Variants in NOTCH3 observed in about 807,000 individuals in gnomAD.
NOTCH3 encodes notch receptor 3, also known as neurogenic locus notch homolog protein 3.
NOTCH3 carries 86 observed loss-of-function variants against 213.3 expected under a neutral mutation model. The observed-to-expected ratio is 0.40, with a 90% CI of 0.34 to 0.48. The LOEUF (loss-of-function observed/expected upper bound fraction) is 0.48. Among genes scored for constraint, NOTCH3 ranks in the 20% least tolerant of loss-of-function variants. The probability of loss-of-function intolerance (pLI) is 0.57; values close to 1 mark genes in which losing one functional copy is unlikely to be tolerated. For missense variants in NOTCH3, 2,783 were observed against 3,272.6 expected (o/e 0.85, Z 3.65); for synonymous variants, 1,354 against 1,355.9 (o/e 1.00, Z 0.03).
rs1440768280 is a variant in NOTCH3 at position 15,188,332 on chromosome 19, A to G, written c.1395T>C (p.Tyr465=). The change falls in exon 9 of 33, where the codon TAT becomes TAC. Residue 465 remains tyrosine (Y), a synonymous_variant. Transcript: ENST00000263388. ...GACACTCGTCAATGTCCACCTCGCAATAGGTTCCTGTGAAGCCTGGGGCAG... is the reference window on the plus strand; with the variant it reads ...GACACTCGTCAATGTCCACCTCGCAGTAGGTTCCTGTGAAGCCTGGGGCAG... ...CICMAGFTGT[Y]CEVDIDECQS... is the part of the protein sequence containing the mutation. 6.2e-7 allele frequency: 1 copy of G among 1,604,310 alleles called. No individual in the cohort carries two copies. Among genetic ancestry groups the G allele is most frequent in the East Asian group, 2.2e-5 (1 of 44,760 alleles).
In NOTCH3 at chr19:15,189,229, C is replaced by T. The variant is rs780893386; in HGVS notation, c.1192+44G>A. On this transcript the variant is annotated intron_variant, in intron 7 of 32. Transcript: ENST00000263388. ...GTGGCTGGCCGGGACCCCCTCCTCT[C>T]CCCTCTTTCCCAGCCCATTCACAGA... 4 of 1,613,634 alleles carry T rather than the reference C, an allele frequency of 2.5e-6. No homozygotes were observed. In the Admixed American group the frequency reaches 5.0e-5, roughly 20 times the overall value.
intron 2 of NOTCH3, among the ~76,000 whole-genome samples, chr19:15,193,004 A>G (rs2046942358): frequency 6.6e-6 from 1 of 152,172 alleles, no homozygotes; most frequent in African/African-American, 2.4e-5. Context: ...CAAATACAGC[A>G]ACAAACACAA....
At position 15,174,376 on chromosome 19, in the gene NOTCH3, G is replaced by A. The variant is rs971777724; in HGVS notation, c.4428C>T (p.Ala1476=). ...TCNPVYEKYC[A]DHFADGRCDQ... ...CGCAGCGGCCGTCGGCAAAGTGGTCGGCGCAGTACTTCTCGTACACCGGGC... is the reference window on the plus strand; with the variant it reads ...CGCAGCGGCCGTCGGCAAAGTGGTCAGCGCAGTACTTCTCGTACACCGGGC... The change falls in exon 25 of 33, where the codon GCC becomes GCT. Residue 1476 remains alanine (A), a synonymous_variant. Coordinates refer to ENST00000263388, the MANE Select transcript of NOTCH3 (RefSeq NM_000435.3). 3.9e-6 allele frequency: 6 copies of A among 1,536,624 alleles called. No individual in the cohort carries two copies. Among genetic ancestry groups the A allele is most frequent in the East Asian group, 4.9e-5 (2 of 40,620 alleles).
rs1198754317 is a variant in NOTCH3, at chr19:15,161,429, G to T, written c.6199C>A (p.Pro2067Thr). The stretch of plus-strand genomic sequence containing the variant: ...TGCGGCCCCAGCCCCGCCTTCCCGG[G>T]GGGCCTCCTGCTCTTCTTGGACCCC... ...QSGSKKSRRP[P>T]GKAGLGPQGP... The change falls in exon 33 of 33, where the codon CCC (proline) becomes ACC (threonine). Residue 2067 changes from proline to threonine, a missense_variant. This residue lies in a region of NOTCH3 where 441 missense variants were observed against 432.1 expected (regional missense o/e 1.02). Transcript: ENST00000263388. 1 of 1,536,156 alleles carries T rather than the reference G, an allele frequency of 6.5e-7. No individual in the cohort carries two copies. Among genetic ancestry groups the T allele is most frequent in the Non-Finnish European group, 8.8e-7 (1 of 1,139,136 alleles).
intron 25 of NOTCH3, among the ~76,000 whole-genome samples, chr19:15,172,927 G>T (rs2046746043): frequency 6.7e-6 from 1 of 148,410 alleles, no homozygotes; most frequent in African/African-American, 2.5e-5. Context: ...AAAGTGCTGG[G>T]ATTACAGGCG....
intron 32 of NOTCH3, 62 bp from the exon 33 acceptor site, chr19:15,161,776 G>C: frequency 2.8e-6 from 4 of 1,451,882 alleles, no homozygotes; most frequent in South Asian, 1.2e-5. Flanking sequence ...AAGTCTTCCA[G>C]CCTCTTGGGG....
chr19:15,161,755 TA>T, intron 32 of NOTCH3, 41 bp from the exon 33 acceptor site: 1 of 1,581,466 alleles, frequency 6.3e-7, no homozygotes, highest in Non-Finnish European at 8.7e-7. Context: ...AAACCCCAGC[TA>T]ACAGTAGCAA....
chr19:15,164,565 C>A (rs1340439593), intron 31 of NOTCH3, among the ~76,000 whole-genome samples: 7 of 145,696 alleles, frequency 4.8e-5, no homozygotes, highest in East Asian at 4.0e-4. Flanking sequence ...AAAAAAAGGG[C>A]AACATAAGGA....
At position 15,169,978 on chromosome 19, in the gene NOTCH3, G is replaced by A. The variant is rs1599368912; in HGVS notation, c.5199+108C>T. 4.4e-6 allele frequency: 3 copies of A among 682,652 alleles called. No homozygotes were observed. The East Asian group carries it at 8.1e-5, about 19-fold the overall frequency. 42.3% of individuals were successfully genotyped at this position (682,652 alleles called of 1,614,324 possible). A position where few individuals can be genotyped will look rare whatever the true frequency, so the allele number is the denominator to read the frequency against. On this transcript the variant is annotated intron_variant, in intron 28 of 32. Transcript: ENST00000263388. ...TATTCTCTGGAGCTAGGGAGGTGGG[G>A]ACAGCGGTGCCATCCCCTGATCACG...
At position 15,187,230 on chromosome 19, in the gene NOTCH3, G is replaced by A. The variant is rs773507679; in HGVS notation, c.1715C>T (p.Pro572Leu). Reference protein sequence around the residue: ...GIASFSCACAPGYTGTRCESQ... With the variant: ...GIASFSCACALGYTGTRCESQ... ...CTCGCAGCGTGTGCCCGTGTAGCCA[G>A]GAGCACAGGCACATGAGAAGCTGGC... The change falls in exon 11 of 33, where the codon CCT (proline) becomes CTT (leucine). Residue 572 changes from proline (P) to leucine (L), a missense_variant. Pro to Leu is a moderately conservative substitution (Grantham distance 98). Transcript: ENST00000263388. The A allele has an allele frequency of 9.9e-6, 16 of 1,614,156 alleles. No individual in the cohort carries two copies. The East Asian group carries it at 3.6e-4, about 36-fold the overall frequency.
intron 28 of NOTCH3, among the ~76,000 whole-genome samples, chr19:15,169,278 G>A (rs1483588837): frequency 6.6e-6 from 1 of 151,972 alleles, no homozygotes; most frequent in African/African-American, 2.4e-5. Flanking sequence ...CAGTGAGAAG[G>A]CGGCCATCTG....
Position 15,189,343 on chromosome 19 carries a change from C to G in NOTCH3, c.1122G>C (p.Arg374=), listed in dbSNP as rs1440163387. 7 of 1,614,010 alleles carry G rather than the reference C, an allele frequency of 4.3e-6. No individual in the cohort carries two copies. Among genetic ancestry groups the G allele is most frequent in the Non-Finnish European group, 5.9e-6 (7 of 1,180,014 alleles). ...AICDTNPVNG[R]AICTCPPGFT... is the part of the protein sequence containing the mutation. The stretch of plus-strand genomic sequence containing the variant: ...AGCCGGGAGGACAGGTGCAAATGGC[C>G]CGGCCGTTCACCGGATTTGTGTCAC... The change falls in exon 7 of 33, where the codon CGG becomes CGC. Residue 374 remains arginine, a synonymous_variant. Coordinates refer to ENST00000263388, the MANE Select transcript of NOTCH3 (RefSeq NM_000435.3).
chr19:15,197,738 C>T (rs940544338), intron 1 of NOTCH3, among the ~76,000 whole-genome samples, 160 bp from the exon 2 acceptor site: 3 of 69,168 alleles, frequency 4.3e-5, no homozygotes, highest in South Asian at 1.2e-3. Context: ...TCCCACGCCC[C>T]CCCCCCCCCC....
At position 15,173,052 on chromosome 19, in the gene NOTCH3, CCCT is replaced by C. The variant is rs1360701715; in HGVS notation, c.4736+1013_4736+1015del. Among the ~76,000 whole-genome samples, 5 of 18,982 alleles carry C rather than the reference CCCT, an allele frequency of 2.6e-4. 2 individuals carry two copies. The highest frequency in any genetic ancestry group is 1.6e-3 in the African/African-American group (3 of 1,880). 12.5% of individuals were successfully genotyped at this position (18,982 alleles called of 152,430 possible). On this transcript the variant is annotated intron_variant, in intron 25 of 32. Transcript: ENST00000263388. ...CCCCCTCCCCCTCCCCCTCCCTCCTCCCTCTTCTTCTTCTTCTTCTTCTTCTTC... is the reference window on the plus strand; with the variant it reads ...CCCCCTCCCCCTCCCCCTCCCTCCTCCTTCTTCTTCTTCTTCTTCTTCTTC...
Position 15,165,697 on chromosome 19 carries a change from A to G in NOTCH3, c.5667+90T>C. ...TATCCCCATTTTCCAAATGAGAAAA[A>G]ATGAGTCTGAAAGGCAGAACTGGGG... is the stretch of plus-strand genomic sequence containing the variant. On this transcript the variant is annotated intron_variant, in intron 30 of 32. Coordinates refer to ENST00000263388, the MANE Select transcript of NOTCH3 (RefSeq NM_000435.3). This position sits in a 1 kb window ranked among gnomAD's most constrained non-coding sequence, Gnocchi z 4.7. The G allele has an allele frequency of 6.7e-7, 1 of 1,496,962 alleles. No homozygotes were observed. Among genetic ancestry groups the G allele is most frequent in the Non-Finnish European group, 9.1e-7 (1 of 1,096,544 alleles). 92.7% of individuals were successfully genotyped at this position (1,496,962 alleles called of 1,614,324 possible).
chr19:15,181,231 T>G (rs2046838902), intron 17 of NOTCH3, 69 bp from the exon 18 acceptor site: 1 of 1,421,294 alleles, frequency 7.0e-7, no homozygotes, highest in African/African-American at 1.4e-5. Flanking sequence ...CCTTCCTGAG[T>G]CCCGCTGTTA....
At chr19:15,178,222 G>A in intron 23 of NOTCH3, 132 bp from the exon 24 acceptor site, 1 of 603,100 alleles carries the variant, frequency 1.7e-6, no homozygotes, top group South Asian at 2.1e-5. Flanking sequence ...TCAAGACTAA[G>A]GAAGGTTGAG....
chr19:15,160,959 C>A lies in NOTCH3; in HGVS notation c.6669G>T (p.Ala2223=), dbSNP rs191173559. 7.8e-5 allele frequency: 124 copies of A among 1,584,586 alleles called. No homozygotes were observed. In the East Asian group the frequency reaches 2.2e-3, roughly 28 times the overall value. Residue 2223 remains alanine, a synonymous_variant, in exon 33 of 33, where the codon GCG becomes GCT. Transcript: ENST00000263388. ...AVPGHGEEYP[A]AGAHSSPPKA... ...TTGGGGGGCTGCTGTGTGCCCCAGC[C>A]GCCGGGTACTCCTCGCCATGTCCTG...
chr19:15,177,445 G>A (rs2046800743), intron 24 of NOTCH3, 80 bp downstream of exon 24: 2 of 1,330,538 alleles, frequency 1.5e-6, no homozygotes, highest in East Asian at 2.5e-5. Context: ...ATGGGCAGGT[G>A]GAAAGAGAGG....
Sources: allele counts gnomAD v4.1 joint callset (sites outside exome capture counted in the v4.1 genomes callset), GRCh38; gene constraint gnomAD v4.1.1; regional missense constraint gnomAD v4.1.1; non-coding constraint Gnocchi (gnomAD v3.1); transcripts MANE v1.5; gene names NCBI Gene and HGNC (gene_info 2026-07-23, HGNC 2026-07-21).